Variants in CFAP20DC observed in about 807,000 individuals in gnomAD.
CFAP20DC encodes the protein protein CFAP20DC.
A neutral mutation model predicts 101.7 loss-of-function variants in CFAP20DC; 84 were observed. The ratio of observed to expected loss-of-function variants is 0.83; its 90% CI spans 0.69 to 0.99. The LOEUF (loss-of-function observed/expected upper bound fraction) is 0.99. Among genes scored for constraint, CFAP20DC ranks in the 50% least tolerant of loss-of-function variants. The pLI is 0.00. For missense variants in CFAP20DC, 1,007 were observed against 970.3 expected (o/e 1.04, Z -0.50); for synonymous variants, 359 against 351.2 (o/e 1.02, Z -0.25).
At chr3:58,938,701 C>T (rs1020275743) in intron 4 of CFAP20DC, among the ~76,000 whole-genome samples, 1 of 151,808 alleles carries the variant, frequency 6.6e-6, no homozygotes, top group Non-Finnish European at 1.5e-5. Flanking sequence ...ACAGCACTTC[C>T]GTTCCCCCTC....
intron 15 of CFAP20DC, among the ~76,000 whole-genome samples, chr3:58,766,711 T>C (rs539624436): frequency 2.4e-4 from 36 of 152,302 alleles, no homozygotes; most frequent in African/African-American, 8.2e-4. Context: ...CAATGTTCCA[T>C]CACACTCCCT....
chr3:58,825,927 T>C (rs1009886891), intron 14 of CFAP20DC, among the ~76,000 whole-genome samples: 2 of 152,220 alleles, frequency 1.3e-5, no homozygotes, highest in Admixed American at 6.5e-5. Flanking sequence ...TAATTTGTTA[T>C]ATCTAAACAC....
chr3:58,759,352 G>C (rs2069298277), intron 15 of CFAP20DC, among the ~76,000 whole-genome samples: 1 of 152,264 alleles, frequency 6.6e-6, no homozygotes, highest in Non-Finnish European at 1.5e-5. Context: ...AGAAGTGTCT[G>C]TTCATATCCT....
intron 4 of CFAP20DC, among the ~76,000 whole-genome samples, chr3:59,036,162 G>C (rs2094099156): frequency 6.6e-6 from 1 of 152,074 alleles, no homozygotes; most frequent in Non-Finnish European, 1.5e-5. Context: ...AATAATAAGA[G>C]GTATTTATGA....
intron 15 of CFAP20DC, among the ~76,000 whole-genome samples, chr3:58,763,034 A>G (rs2069816834): frequency 6.6e-6 from 1 of 151,952 alleles, no homozygotes; most frequent in South Asian, 2.1e-4. Flanking sequence ...GCTCTTCTGG[A>G]GGAGTATCTT....
rs2067920444 is a variant in CFAP20DC at position 58,742,382 on chromosome 3, G to T, written c.*78C>A. On this transcript the variant is annotated 3_prime_UTR_variant, in exon 17 of 17. Coordinates refer to ENST00000482387, the MANE Select transcript of CFAP20DC (RefSeq NM_001394063.1). ...TTTGTGGTCACCCAACACATAAGTT[G>T]TGGTGACTCCTTAAGCGACCCTGAA... 1 of 1,376,114 alleles carries T rather than the reference G, an allele frequency of 7.3e-7. No homozygotes were observed. Among genetic ancestry groups the T allele is most frequent in the East Asian group, 2.7e-5 (1 of 36,972 alleles). 85.2% of individuals were successfully genotyped at this position (1,376,114 alleles called of 1,614,324 possible). A position where few individuals can be genotyped will look rare whatever the true frequency, so the allele number is the denominator to read the frequency against.
At chr3:58,895,980 C>A (rs952854842) in intron 6 of CFAP20DC, among the ~76,000 whole-genome samples, 1 of 152,218 alleles carries the variant, frequency 6.6e-6, no homozygotes, top group African/African-American at 2.4e-5. Context: ...ATTCAGTTAC[C>A]TCCTACCAGA....
chr3:58,998,752 C>G (rs1331113402), intron 4 of CFAP20DC, among the ~76,000 whole-genome samples: 1 of 152,146 alleles, frequency 6.6e-6, no homozygotes, highest in Non-Finnish European at 1.5e-5. Context: ...GTCCCAGAAA[C>G]AGGAGCTACT....
At chr3:58,860,314 TA>T (rs748216181) in intron 12 of CFAP20DC, among the ~76,000 whole-genome samples, 1 of 151,718 alleles carries the variant, frequency 6.6e-6, no homozygotes, top group African/African-American at 2.4e-5. Context: ...TACTGACTGC[TA>T]AAAAAAACTC....
At chr3:58,884,462 C>T in intron 7 of CFAP20DC, 83 bp downstream of exon 7, 4 of 1,283,764 alleles carry the variant, frequency 3.1e-6, no homozygotes, top group East Asian at 4.6e-5. Flanking sequence ...GAATGAGGTA[C>T]AGTGCCCTTT....
intron 4 of CFAP20DC, among the ~76,000 whole-genome samples, chr3:58,956,966 C>T (rs2090689742): frequency 6.6e-6 from 1 of 152,146 alleles, no homozygotes; most frequent in Non-Finnish European, 1.5e-5. Flanking sequence ...CCTGGTCCCT[C>T]CCACAACACA....
chr3:58,980,898 A>G lies in CFAP20DC; in HGVS notation c.279-43136T>C, dbSNP rs1181936385. 2.6e-5 allele frequency among the ~76,000 whole-genome samples: 4 copies of G among 152,326 alleles called. No homozygotes were observed. In the East Asian group the frequency reaches 5.8e-4, roughly 22 times the overall value. On this transcript the variant is annotated intron_variant, in intron 4 of 16. Transcript: ENST00000482387. ...AGGAAATAAAGGGTATTCAATTAGGAAAACAGGAAGACAAATTGTCCCTGT... is the reference window on the plus strand; with the variant it reads ...AGGAAATAAAGGGTATTCAATTAGGGAAACAGGAAGACAAATTGTCCCTGT...
chr3:58,803,909 A>G (rs748229232), intron 15 of CFAP20DC, among the ~76,000 whole-genome samples: 1 of 152,240 alleles, frequency 6.6e-6, no homozygotes, highest in Non-Finnish European at 1.5e-5. Context: ...GAATTATTTC[A>G]TATTCTATCT....
At chr3:58,832,727 A>G (rs1183667047) in intron 13 of CFAP20DC, among the ~76,000 whole-genome samples, 1 of 152,222 alleles carries the variant, frequency 6.6e-6, no homozygotes, top group Non-Finnish European at 1.5e-5. Context: ...GAATACTACT[A>G]CAGATCTTTA....
At position 58,892,735 on chromosome 3, in the gene CFAP20DC, G is replaced by A. The variant is rs1453026960; in HGVS notation, c.551-8026C>T. 1.3e-5 allele frequency among the ~76,000 whole-genome samples: 2 copies of A among 152,212 alleles called. No homozygotes were observed. Among genetic ancestry groups the A allele is most frequent in the Non-Finnish European group, 2.9e-5 (2 of 68,032 alleles). ...TTATCAGCTTAAAAAGCTTTAGGCT[G>A]AGATGATGCGGTTTTCTAGATATAG... On this transcript the variant is annotated intron_variant, in intron 6 of 16. Coordinates refer to ENST00000482387, the MANE Select transcript of CFAP20DC (RefSeq NM_001394063.1). This position sits in a 1 kb window ranked among gnomAD's most constrained non-coding sequence, Gnocchi z 4.0.
intron 4 of CFAP20DC, among the ~76,000 whole-genome samples, chr3:59,031,150 A>G (rs2093987657): frequency 6.6e-6 from 1 of 152,108 alleles, no homozygotes; most frequent in Non-Finnish European, 1.5e-5. Context: ...ATTAGTTAAG[A>G]CAGTCTATTG....
intron 4 of CFAP20DC, among the ~76,000 whole-genome samples, chr3:59,038,534 C>T (rs185170317): frequency 1.3e-5 from 2 of 152,072 alleles, no homozygotes; most frequent in African/African-American, 4.8e-5. Context: ...TTGTAGCAAC[C>T]CTGTGTCAAG....
chr3:59,041,354 A>C (rs1699367116), intron 3 of CFAP20DC, among the ~76,000 whole-genome samples: 1 of 152,136 alleles, frequency 6.6e-6, no homozygotes. Flanking sequence ...CACATATAGA[A>C]GCCCCAGTTT....
chr3:58,945,649 T>C (rs768649211), intron 4 of CFAP20DC, among the ~76,000 whole-genome samples: 2 of 152,024 alleles, frequency 1.3e-5, no homozygotes, highest in Admixed American at 6.6e-5. Flanking sequence ...CATGAGCATC[T>C]GAACTTCACC....
Sources: allele counts gnomAD v4.1 joint callset (sites outside exome capture counted in the v4.1 genomes callset), GRCh38; gene constraint gnomAD v4.1.1; non-coding constraint Gnocchi (gnomAD v3.1); transcripts MANE v1.5; gene names NCBI Gene and HGNC (gene_info 2026-07-23, HGNC 2026-07-21).